SYT16: variants seen among roughly 807,000 people sequenced by gnomAD.
SYT16 encodes synaptotagmin-16.
In SYT16, 42 loss-of-function variants were observed where a neutral mutation model predicts 61.4. That is an observed-to-expected ratio of 0.68 (90% CI 0.53 to 0.89). The LOEUF (loss-of-function observed/expected upper bound fraction) is 0.89, where lower values mean the gene tolerates loss of function less well. Among genes scored for constraint, SYT16 ranks in the 40% least tolerant of loss-of-function variants. The pLI is 0.00. For synonymous variants in SYT16, 314 were observed against 302.3 expected (o/e 1.04, Z -0.40); for missense variants, 804 against 807.3 (o/e 1.00, Z 0.05).
At chr14:61,871,197 TTATACTC>T (rs1252786080) in intron 1 of SYT16, among the ~76,000 whole-genome samples, 9 of 152,330 alleles carry the variant, frequency 5.9e-5, no homozygotes, top group African/African-American at 2.2e-4. Context: ...GTATTCCACT[TTATACTC>T]TATATATTAG....
chr14:61,831,501 C>T (rs1343596603), intron 1 of SYT16, among the ~76,000 whole-genome samples: 1 of 152,172 alleles, frequency 6.6e-6, no homozygotes, highest in African/African-American at 2.4e-5. Flanking sequence ...TCTTAATTCT[C>T]ACTTTCTAAT....
At chr14:62,068,859 G>A (rs760326227) in intron 3 of SYT16, among the ~76,000 whole-genome samples, 1 of 151,934 alleles carries the variant, frequency 6.6e-6, no homozygotes, top group Non-Finnish European at 1.5e-5. Context: ...GCAGTGGTGC[G>A]ATCTCAGCTC....
chr14:61,841,130 G>A (rs1365790336), intron 1 of SYT16, among the ~76,000 whole-genome samples: 1 of 152,162 alleles, frequency 6.6e-6, no homozygotes, highest in Non-Finnish European at 1.5e-5. Context: ...TGGGCCAAAA[G>A]ATAGCCAGAA....
intron 1 of SYT16, among the ~76,000 whole-genome samples, chr14:61,963,503 C>T (rs1042228391): frequency 6.6e-6 from 1 of 152,160 alleles, no homozygotes; most frequent in Non-Finnish European, 1.5e-5. Context: ...AACCCTAAGT[C>T]TCTTTAATTC....
At chr14:61,866,609 A>G (rs1420215589) in intron 1 of SYT16, among the ~76,000 whole-genome samples, 3 of 152,006 alleles carry the variant, frequency 2.0e-5, no homozygotes, top group African/African-American at 7.2e-5. Flanking sequence ...TTCATTTAAA[A>G]ATTATGTTTG....
chr14:62,055,247 T>A (rs2185998), intron 3 of SYT16, among the ~76,000 whole-genome samples: 68,606 of 152,028 alleles, frequency 0.45, 18,635 homozygotes, highest in African/African-American at 0.77. Context: ...ACAACACAAC[T>A]CTTGGGTCCT....
At chr14:61,993,438 A>G (rs1046941474) in intron 2 of SYT16, among the ~76,000 whole-genome samples, 2 of 152,170 alleles carry the variant, frequency 1.3e-5, no homozygotes, top group Non-Finnish European at 2.9e-5. Flanking sequence ...AAATTAAAAA[A>G]TTCAGAACAA....
At chr14:61,940,762 G>T (rs2050175942) in intron 1 of SYT16, among the ~76,000 whole-genome samples, 1 of 152,040 alleles carries the variant, frequency 6.6e-6, no homozygotes, top group Non-Finnish European at 1.5e-5. Context: ...CTCCCTCTCA[G>T]GTTTTCCTTT....
chr14:62,000,934 G>A (rs1003703209), intron 3 of SYT16, among the ~76,000 whole-genome samples: 1 of 151,870 alleles, frequency 6.6e-6, no homozygotes, highest in African/African-American at 2.4e-5. Flanking sequence ...TTATCTCTTA[G>A]AATGGTTAAA....
chr14:62,064,334 G>GAAAAAAAAAAAAAAA (rs781727444), intron 3 of SYT16, among the ~76,000 whole-genome samples: 2 of 42,984 alleles, frequency 4.7e-5, no homozygotes, highest in African/African-American at 8.3e-5. Context: ...CTTTAAATTT[G>GAAAAAAAAAAAAAAA]AAAAAAAAAA....
intron 3 of SYT16, among the ~76,000 whole-genome samples, chr14:62,046,296 GTTGT>G (rs1314738092): frequency 4.7e-3 from 713 of 152,264 alleles, no homozygotes; most frequent in Non-Finnish European, 7.2e-3. Context: ...TTTTGATGGG[GTTGT>G]TTGTTTTTTT....
At chr14:61,840,375 A>C (rs1456651239) in intron 1 of SYT16, among the ~76,000 whole-genome samples, 1 of 152,098 alleles carries the variant, frequency 6.6e-6, no homozygotes, top group Non-Finnish European at 1.5e-5. Context: ...AGAATGGTTG[A>C]GATCACCCAG....
chr14:62,100,795 G>T lies in SYT16; in HGVS notation c.*88G>T. The stretch of plus-strand genomic sequence containing the variant: ...ACTAAGTGTCCTGGCAAGGGTTTCA[G>T]GGTTTCAAAAACAGATTCCACTAAC... On this transcript the variant is annotated 3_prime_UTR_variant, in exon 8 of 8. Transcript: ENST00000683842. 2 of 1,414,542 alleles carry T rather than the reference G, an allele frequency of 1.4e-6. No individual in the cohort carries two copies. Among genetic ancestry groups the T allele is most frequent in the East Asian group, 2.4e-5 (1 of 41,178 alleles). The allele number at this position is 1,414,542 out of a possible 1,614,324, so 87.6% of individuals were successfully genotyped here.
At chr14:61,852,459 A>G (rs1234165920) in intron 1 of SYT16, among the ~76,000 whole-genome samples, 7 of 152,194 alleles carry the variant, frequency 4.6e-5, no homozygotes, top group Non-Finnish European at 1.0e-4. Context: ...TGTAAAGAAC[A>G]TCAATGGTAG....
At chr14:62,048,929 G>A (rs1445366807) in intron 3 of SYT16, among the ~76,000 whole-genome samples, 1 of 152,172 alleles carries the variant, frequency 6.6e-6, no homozygotes, top group South Asian at 2.1e-4. Flanking sequence ...GTGTGGTGTG[G>A]TGCTGAAAAG....
At chr14:61,950,984 T>C (rs985427962) in intron 1 of SYT16, among the ~76,000 whole-genome samples, 2 of 152,226 alleles carry the variant, frequency 1.3e-5, no homozygotes, top group Non-Finnish European at 2.9e-5. Context: ...GCCGATTTTA[T>C]TTGAATATAT....
chr14:62,099,128 T>A (rs1429661627), intron 7 of SYT16, among the ~76,000 whole-genome samples: 1 of 152,182 alleles, frequency 6.6e-6, no homozygotes, highest in African/African-American at 2.4e-5. Flanking sequence ...AATTGAGCTC[T>A]CATCTTGAGA....
At chr14:62,011,926 C>CATATATATATATAT (rs142408466) in intron 3 of SYT16, among the ~76,000 whole-genome samples, 14 of 132,764 alleles carry the variant, frequency 1.1e-4, no homozygotes, top group African/African-American at 2.7e-4. Flanking sequence ...CACACACACA[C>CATATATATATATAT]ATATATATAT....
intron 1 of SYT16, among the ~76,000 whole-genome samples, chr14:61,868,326 A>T (rs1162306343): frequency 6.6e-6 from 1 of 151,862 alleles, no homozygotes; most frequent in Non-Finnish European, 1.5e-5. Context: ...TATTTAAAAA[A>T]ATTTTATTTC....
Sources: gnomAD v4.1 joint callset for allele counts (sites outside exome capture counted in the v4.1 genomes callset) on GRCh38, gnomAD v4.1.1 for gene constraint, MANE v1.5 for transcripts, NCBI Gene and HGNC (gene_info 2026-07-23, HGNC 2026-07-21) for gene names.